Variants in NLGN1 observed in about 807,000 individuals in gnomAD.
NLGN1 encodes neuroligin 1.
NLGN1 carries 12 observed loss-of-function variants against 65.5 expected under a neutral mutation model. The observed-to-expected ratio is 0.18, with a 90% CI of 0.12 to 0.30. The LOEUF (loss-of-function observed/expected upper bound fraction) is 0.30. Ranked by LOEUF, NLGN1 falls within the 10% of genes least tolerant of loss-of-function variation. The probability of loss-of-function intolerance (pLI) is 1.00; values close to 1 mark genes in which losing one functional copy is unlikely to be tolerated. For missense variants in NLGN1, 750 were observed against 1,007.1 expected, an observed-to-expected ratio of 0.74 and a Z score of 3.46; for synonymous variants, 350 against 359.5, an observed-to-expected ratio of 0.97 and a Z score of 0.30.
At chr3:173,451,919 T>G (rs549240) in intron 2 of NLGN1, among the ~76,000 whole-genome samples, 2 of 152,136 alleles carry the variant, frequency 1.3e-5, no homozygotes, top group Non-Finnish European at 2.9e-5. Context: ...AGTGCAGTAT[T>G]AGGGTGGGAG....
At chr3:174,255,629 C>A (rs965289315) in intron 4 of NLGN1, among the ~76,000 whole-genome samples, 4 of 133,422 alleles carry the variant, frequency 3.0e-5, no homozygotes, top group Admixed American at 8.1e-5. Context: ...CTCTTTCTTT[C>A]TTTTCTTCTA....
chr3:174,121,685 T>A (rs367652706), intron 4 of NLGN1, among the ~76,000 whole-genome samples: 9 of 152,196 alleles, frequency 5.9e-5, no homozygotes, highest in African/African-American at 1.9e-4. Flanking sequence ...CTGAATTTTT[T>A]ATCAAAAAAT....
At chr3:173,471,905 CTGAAGCAGGCAGGT>C (rs1172704349) in intron 2 of NLGN1, among the ~76,000 whole-genome samples, 1 of 152,118 alleles carries the variant, frequency 6.6e-6, no homozygotes, top group African/African-American at 2.4e-5. Context: ...CTGAACTTTG[CTGAAGCAGGCAGGT>C]TTGCAAATTT....
chr3:173,680,017 C>T (rs1577915570), intron 3 of NLGN1, among the ~76,000 whole-genome samples: 1 of 151,910 alleles, frequency 6.6e-6, no homozygotes, highest in Non-Finnish European at 1.5e-5. Context: ...TTGAAAAGTG[C>T]ATATGATTTT....
intron 4 of NLGN1, among the ~76,000 whole-genome samples, chr3:174,222,643 C>G (rs1471726713): frequency 6.6e-6 from 1 of 152,156 alleles, no homozygotes; most frequent in African/African-American, 2.4e-5. Context: ...AGATTCAGCT[C>G]AGTCAATATA....
chr3:173,658,001 T>TG (rs1329294594), intron 3 of NLGN1, among the ~76,000 whole-genome samples: 29 of 151,948 alleles, frequency 1.9e-4, no homozygotes, highest in African/African-American at 6.7e-4. Flanking sequence ...TAAAGGGACT[T>TG]GGGAAAAAAA....
intron 4 of NLGN1, among the ~76,000 whole-genome samples, chr3:174,084,880 T>C (rs1380200722): frequency 1.3e-5 from 2 of 152,028 alleles, no homozygotes; most frequent in African/African-American, 4.8e-5. Flanking sequence ...TATTTTTCTT[T>C]TAAAAACTAA....
At chr3:174,047,982 G>A (rs904604354) in intron 4 of NLGN1, among the ~76,000 whole-genome samples, 3 of 152,012 alleles carry the variant, frequency 2.0e-5, no homozygotes, top group Non-Finnish European at 4.4e-5. Flanking sequence ...CGTTGGATAT[G>A]AACCTTCTAG....
intron 2 of NLGN1, among the ~76,000 whole-genome samples, chr3:173,543,451 A>G (rs767285632): frequency 7.2e-5 from 11 of 152,124 alleles, no homozygotes; most frequent in South Asian, 2.1e-4. Flanking sequence ...CTCCTGATGT[A>G]TACTTATGAG....
chr3:173,743,249 T>C (rs1486261719), intron 3 of NLGN1, among the ~76,000 whole-genome samples: 2 of 152,168 alleles, frequency 1.3e-5, no homozygotes, highest in African/African-American at 4.8e-5. Context: ...GATAATGGCT[T>C]TAATATTTAA....
chr3:173,487,634 C>A (rs531717104), intron 2 of NLGN1, among the ~76,000 whole-genome samples: 1 of 151,882 alleles, frequency 6.6e-6, no homozygotes, highest in Non-Finnish European at 1.5e-5. Flanking sequence ...TATTTTGCAA[C>A]AATATTGTTA....
chr3:173,544,359 T>C (rs557197983), intron 2 of NLGN1, among the ~76,000 whole-genome samples: 4 of 151,764 alleles, frequency 2.6e-5, no homozygotes, highest in Admixed American at 1.3e-4. Context: ...AAGAAGACTA[T>C]GCATTTATTT....
chr3:173,595,455 C>T (rs1199021826), intron 2 of NLGN1, among the ~76,000 whole-genome samples: 2 of 152,116 alleles, frequency 1.3e-5, no homozygotes, highest in African/African-American at 4.8e-5. Context: ...TTTTATTGTC[C>T]ATATCATTAT....
chr3:173,798,635 T>C (rs537887236), intron 3 of NLGN1, among the ~76,000 whole-genome samples: 1 of 152,212 alleles, frequency 6.6e-6, no homozygotes, highest in Non-Finnish European at 1.5e-5. Context: ...AATTATTGCT[T>C]TATCTATGTT....
chr3:174,277,789 C>CTAAT (rs1298714493), intron 5 of NLGN1, among the ~76,000 whole-genome samples: 2 of 151,822 alleles, frequency 1.3e-5, no homozygotes, highest in African/African-American at 2.4e-5. Flanking sequence ...AACTTTCCTT[C>CTAAT]TAATTCAGAC....
At chr3:173,681,461 T>C (rs1763933010) in intron 3 of NLGN1, among the ~76,000 whole-genome samples, 2 of 152,184 alleles carry the variant, frequency 1.3e-5, no homozygotes, top group South Asian at 4.1e-4. Flanking sequence ...GTAGGTATTT[T>C]TGTGACAGTC....
intron 3 of NLGN1, among the ~76,000 whole-genome samples, chr3:173,625,943 G>A (rs1754759766): frequency 6.6e-6 from 1 of 152,036 alleles, no homozygotes; most frequent in African/African-American, 2.4e-5. Context: ...GAAATTTAGT[G>A]TGATTTTTCT....
At chr3:174,234,144 G>A (rs940403179) in intron 4 of NLGN1, among the ~76,000 whole-genome samples, 4 of 152,128 alleles carry the variant, frequency 2.6e-5, no homozygotes, top group African/African-American at 9.7e-5. Context: ...AAGGCAGAAT[G>A]AGAAACTGAG....
At chr3:174,284,294 C>T (rs1269914281) in exon 7 of NLGN1, 8 of 151,144 alleles carry the variant, frequency 5.3e-5, no homozygotes. Context: ...AAGGATGCCC[C>T]ACATTATACA....
Sources: gnomAD v4.1 joint callset for allele counts (sites outside exome capture counted in the v4.1 genomes callset) on GRCh38, gnomAD v4.1.1 for gene constraint, MANE v1.5 for transcripts, NCBI Gene and HGNC (gene_info 2026-07-23, HGNC 2026-07-21) for gene names.